Variants in PKIG observed in about 807,000 individuals in gnomAD.
The protein encoded by PKIG is protein kinase (cAMP-dependent, catalytic) inhibitor gamma.
PKIG carries 1 observed loss-of-function variant against 6.8 expected under a neutral mutation model. The observed-to-expected ratio is 0.15, with a 90% confidence interval of 0.05 to 0.69. The LOEUF is 0.69. PKIG is among the 30% of genes least tolerant of loss of function. The pLI, the probability that PKIG is intolerant of heterozygous loss-of-function variation, is 0.82. For synonymous variants in PKIG, 39 were observed against 43.0 expected (o/e 0.91, Z 0.36); for missense variants, 77 against 104.0 (o/e 0.74, Z 1.13).
chr20:44,614,280 A>T lies in PKIG; in HGVS notation c.-23-254A>T. ...GCGCATGGTATTAATAAATGTGTGT[A>T]CATGTTTGTCAATAATTTTATTTAA... On this transcript the variant is annotated intron_variant, in intron 2 of 3. Transcript: ENST00000372886. This position sits in a 1 kb window ranked among gnomAD's most constrained non-coding sequence, Gnocchi z 4.6. The T allele has an allele frequency of 2.7e-6, 1 of 373,068 alleles. No homozygotes were observed. The highest frequency in any genetic ancestry group is 7.8e-4 in the Middle Eastern group (1 of 1,286). The allele number at this position is 373,068 out of a possible 1,614,324, so 23.1% of individuals were successfully genotyped here.
intron 1 of PKIG, among the ~76,000 whole-genome samples, chr20:44,586,234 A>G (rs1033298712): frequency 6.6e-6 from 1 of 152,250 alleles, no homozygotes; most frequent in Non-Finnish European, 1.5e-5. Flanking sequence ...GATAGGGCTC[A>G]TAAAGCACTT....
chr20:44,549,406 T>C (rs2064647588), intron 1 of PKIG, among the ~76,000 whole-genome samples: 1 of 152,246 alleles, frequency 6.6e-6, no homozygotes. Context: ...TCTTTTTTTC[T>C]GGATTATTTT....
At chr20:44,607,264 G>T (rs1203451856) in intron 2 of PKIG, among the ~76,000 whole-genome samples, 1 of 151,314 alleles carries the variant, frequency 6.6e-6, no homozygotes, top group Non-Finnish European at 1.5e-5. Context: ...TCAGTGTGTT[G>T]ATGTAATCAG....
intron 2 of PKIG, among the ~76,000 whole-genome samples, chr20:44,594,022 A>G (rs1463106240): frequency 6.6e-6 from 1 of 152,196 alleles, no homozygotes; most frequent in Non-Finnish European, 1.5e-5. Context: ...CCAGTGTCTA[A>G]TTAGGTAGTT....
At chr20:44,605,730 A>G (rs2065158764) in intron 2 of PKIG, among the ~76,000 whole-genome samples, 1 of 151,892 alleles carries the variant, frequency 6.6e-6, no homozygotes, top group Non-Finnish European at 1.5e-5. Flanking sequence ...CCTGGGCAAC[A>G]TAGTGAGACC....
intron 2 of PKIG, among the ~76,000 whole-genome samples, chr20:44,605,681 A>T (rs775107797): frequency 6.6e-6 from 1 of 152,052 alleles, no homozygotes; most frequent in Non-Finnish European, 1.5e-5. Flanking sequence ...TGGGAGGCTC[A>T]GGCAGGAGTA....
At chr20:44,586,341 G>A (rs1307350503) in intron 1 of PKIG, among the ~76,000 whole-genome samples, 3 of 152,216 alleles carry the variant, frequency 2.0e-5, no homozygotes, top group African/African-American at 7.2e-5. Flanking sequence ...CTCAGACATA[G>A]GATGGCATTT....
At chr20:44,610,742 GTCTGCTA>G (rs1332291201) in intron 2 of PKIG, among the ~76,000 whole-genome samples, 1 of 151,962 alleles carries the variant, frequency 6.6e-6, no homozygotes, top group East Asian at 1.9e-4. Context: ...TTTTTCATAT[GTCTGCTA>G]TCTTTCCCCA....
At chr20:44,535,723 G>A (rs758906986) in intron 1 of PKIG, among the ~76,000 whole-genome samples, 10 of 152,060 alleles carry the variant, frequency 6.6e-5, no homozygotes, top group Admixed American at 2.0e-4. Flanking sequence ...AGCAGATTAC[G>A]GTACAGTATG....
At chr20:44,608,444 G>A (rs755193099) in intron 2 of PKIG, among the ~76,000 whole-genome samples, 29 of 152,108 alleles carry the variant, frequency 1.9e-4, no homozygotes, top group African/African-American at 3.1e-4. Flanking sequence ...TCCATTGTCC[G>A]TTTAGGACAT....
intron 3 of PKIG, among the ~76,000 whole-genome samples, chr20:44,616,033 C>G (rs908893299): frequency 1.3e-5 from 2 of 152,202 alleles, no homozygotes; most frequent in African/African-American, 4.8e-5. Flanking sequence ...ACCCTGCTCG[C>G]CTCTCCAGCA....
At chr20:44,550,338 C>A (rs372148093) in intron 1 of PKIG, among the ~76,000 whole-genome samples, 1 of 151,372 alleles carries the variant, frequency 6.6e-6, no homozygotes, top group Non-Finnish European at 1.5e-5. Flanking sequence ...CCATTTAGCC[C>A]GTCCCTAAAG....
intron 3 of PKIG, among the ~76,000 whole-genome samples, chr20:44,615,337 C>T (rs1465314727): frequency 6.6e-6 from 1 of 152,238 alleles, no homozygotes; most frequent in Non-Finnish European, 1.5e-5. Context: ...CTAGATCAGC[C>T]TTCCCCAATC....
chr20:44,605,589 A>C (rs2065157579), intron 2 of PKIG, among the ~76,000 whole-genome samples: 1 of 151,914 alleles, frequency 6.6e-6, no homozygotes, highest in Admixed American at 6.6e-5. Flanking sequence ...ATTCTAGATC[A>C]AAGATTTAAA....
chr20:44,558,617 ATTCT>A (rs941198221), intron 1 of PKIG, among the ~76,000 whole-genome samples: 6 of 43,216 alleles, frequency 1.4e-4, no homozygotes, highest in Non-Finnish European at 2.7e-4. Context: ...TTTCTTTCTC[ATTCT>A]TTCTTTTTCA....
chr20:44,614,299 T>C lies in PKIG; in HGVS notation c.-23-235T>C, dbSNP rs1600905105. 2 of 422,542 alleles carry C rather than the reference T, an allele frequency of 4.7e-6. No individual in the cohort carries two copies. Among genetic ancestry groups the C allele is most frequent in the East Asian group, 8.7e-5 (2 of 23,076 alleles). 26.2% of individuals were successfully genotyped at this position (422,542 alleles called of 1,614,324 possible). A position where few individuals can be genotyped will look rare whatever the true frequency, so the allele number is the denominator to read the frequency against. ...GTGTGTACATGTTTGTCAATAATTT[T>C]ATTTAAAGAAAAGTCTGAGCCCATG... On this transcript the variant is annotated intron_variant, in intron 2 of 3. Transcript: ENST00000372886. The surrounding 1 kb of genome is among the most constrained non-coding windows in gnomAD (Gnocchi z 4.6).
chr20:44,551,211 G>A (rs1450857783), intron 1 of PKIG, among the ~76,000 whole-genome samples: 1 of 152,016 alleles, frequency 6.6e-6, no homozygotes, highest in Non-Finnish European at 1.5e-5. Flanking sequence ...ACGCCGCCAC[G>A]CCTGGCTAAT....
rs190441006 is a variant in PKIG, at chr20:44,600,700, A to G, written c.-24+10834A>G. On this transcript the variant is annotated intron_variant, in intron 2 of 3. Coordinates refer to ENST00000372886, the MANE Select transcript of PKIG (RefSeq NM_001281445.2). ...GTCTCTACAAAAACATTAAAAAAAA[A>G]AAGAAGAAGAAATGACAGGACTGGG... 3.9e-3 allele frequency among the ~76,000 whole-genome samples: 596 copies of G among 152,072 alleles called. 6 individuals carry two copies. Among genetic ancestry groups the G allele is most frequent in the African/African-American group, 0.013 (547 of 41,484 alleles).
intron 1 of PKIG, among the ~76,000 whole-genome samples, chr20:44,576,846 G>A (rs201302170): frequency 7.9e-5 from 12 of 152,200 alleles, no homozygotes; most frequent in Admixed American, 2.0e-4. Flanking sequence ...GATATCCTGC[G>A]AACCTATCCA....
Sources: allele counts gnomAD v4.1 joint callset (sites outside exome capture counted in the v4.1 genomes callset), GRCh38; gene constraint gnomAD v4.1.1; non-coding constraint Gnocchi (gnomAD v3.1); transcripts MANE v1.5; gene names NCBI Gene and HGNC (gene_info 2026-07-23, HGNC 2026-07-21).